RPGR: variants seen among roughly 807,000 people sequenced by gnomAD.
The protein encoded by RPGR is retinitis pigmentosa GTPase regulator.
Under a neutral mutation model 56.3 loss-of-function variants are expected in RPGR, and 10 were observed. The observed-to-expected ratio is 0.18, with a 90% CI of 0.11 to 0.30. The LOEUF is 0.30. Ranked by LOEUF, RPGR falls within the 10% of genes least tolerant of loss-of-function variation. The probability of loss-of-function intolerance (pLI) is 1.00; values close to 1 mark genes in which losing one functional copy is unlikely to be tolerated. For missense variants in RPGR, 538 were observed against 590.9 expected (o/e 0.91, Z 0.93); for synonymous variants, 197 against 212.9 (o/e 0.93, Z 0.65).
At position 38,269,697 on chromosome X, in the gene RPGR, T is replaced by C. The variant is rs1455989964; in HGVS notation, c.2377A>G (p.Met793Val). 3.3e-6 allele frequency: 4 copies of C among 1,210,022 alleles called. No individual in the cohort carries two copies. Among genetic ancestry groups the C allele is most frequent in the African/African-American group, 1.7e-5 (1 of 57,818 alleles). Reference sequence around the variant, plus strand: ...GGGATATTCTGATGATTCTGACTCATGTGGTTCTGGTCGGCATCTTTATTA... The same window carrying C: ...GGGATATTCTGATGATTCTGACTCACGTGGTTCTGGTCGGCATCTTTATTA... The change falls in exon 19 of 19, where the codon ATG (methionine) becomes GTG (valine). Residue 793 changes from methionine to valine, a missense_variant. Physicochemically the swap from Met to Val is conservative, Grantham distance 21 (BLOSUM62 1). Around this residue, in one of 2 missense-constraint regions of RPGR, gnomAD observed 357 missense variants for 325.8 expected, o/e 1.10. Coordinates refer to ENST00000642395, the MANE Select transcript of RPGR (RefSeq NM_000328.3).
intron 6 of RPGR, among the ~76,000 whole-genome samples, chrX:38,314,957 T>C (rs948089487): frequency 1.8e-5 from 2 of 111,697 alleles, no homozygotes; most frequent in Non-Finnish European, 3.8e-5. Context: ...ATATCTGCAC[T>C]CCCATGTTTG....
chrX:38,304,788 T>C lies in RPGR; in HGVS notation c.781A>G (p.Asn261Asp). 1 of 1,209,137 alleles carries C rather than the reference T, an allele frequency of 8.3e-7. No individual in the cohort carries two copies. The highest frequency in any genetic ancestry group is 1.1e-6 in the Non-Finnish European group (1 of 893,688). ...CCCAGCCCAAAGGTATACACAGCAT[T>C]CTCTGAAAGGAAAGGGGCAAATACA... The change falls in exon 8 of 19, where the codon AAT becomes GAT. Residue 261 changes from asparagine (N) to aspartate (D), a missense_variant and splice_region_variant. Physicochemically the swap from Asn to Asp is conservative, Grantham distance 23 (BLOSUM62 1). Around this residue, in one of 2 missense-constraint regions of RPGR, gnomAD observed 181 missense variants for 265.1 expected, o/e 0.68. Coordinates refer to ENST00000642395, the MANE Select transcript of RPGR (RefSeq NM_000328.3).
At chrX:38,299,273 G>T in intron 9 of RPGR, 132 bp from the exon 10 acceptor site, 1 of 609,838 alleles carries the variant, frequency 1.6e-6, no homozygotes, top group Admixed American at 2.7e-5. Flanking sequence ...GAATCTCTCT[G>T]TCTATACGTA....
At position 38,273,463 on chromosome X, in the gene RPGR, C is replaced by T; in HGVS notation, c.2164G>A (p.Asp722Asn). The T allele has an allele frequency of 8.3e-7, 1 of 1,198,872 alleles. No individual in the cohort carries two copies. Among genetic ancestry groups the T allele is most frequent in the Non-Finnish European group, 1.1e-6 (1 of 885,760 alleles). ...ATTTCTAATGAACTGCTATCTGCAT[C>T]ATCAAGCATGTATCCTACAATTGGA... Residue 722 changes from aspartate to asparagine, a missense_variant, in exon 18 of 19, where the codon GAT becomes AAT. By Grantham distance (23) the Asp-to-Asn change is conservative (BLOSUM62 1). This residue lies in a region of RPGR where 357 missense variants were observed against 325.8 expected (regional missense o/e 1.10). Transcript: ENST00000642395.
chrX:38,292,531 A>T (rs1317052930), intron 11 of RPGR, among the ~76,000 whole-genome samples: 4 of 112,039 alleles, frequency 3.6e-5, no homozygotes, highest in African/African-American at 6.5e-5. Context: ...CTCCCCTTTA[A>T]ATCCACTGAA....
At chrX:38,283,365 G>A (rs774585901) in intron 15 of RPGR, among the ~76,000 whole-genome samples, 2 of 112,079 alleles carry the variant, frequency 1.8e-5, no homozygotes, top group South Asian at 7.4e-4. Flanking sequence ...GAGGAAAAAG[G>A]AATTGCAGAA....
At chrX:38,291,919 T>C (rs2067286835) in intron 11 of RPGR, among the ~76,000 whole-genome samples, 1 of 112,303 alleles carries the variant, frequency 8.9e-6, no homozygotes, top group Non-Finnish European at 1.9e-5. Flanking sequence ...GATAGCATTA[T>C]GGCTTCTGTT....
At chrX:38,317,572 G>C in intron 5 of RPGR, 107 bp from the exon 6 acceptor site, 1 of 695,066 alleles carries the variant, frequency 1.4e-6, no homozygotes, top group Non-Finnish European at 2.1e-6. Flanking sequence ...TAAAAATTAT[G>C]TATCTTAACA....
chrX:38,323,987 A>T (rs973055517), intron 1 of RPGR, among the ~76,000 whole-genome samples: 2 of 112,015 alleles, frequency 1.8e-5, no homozygotes, highest in Non-Finnish European at 3.8e-5. Context: ...CCATGGGGAG[A>T]GTCTCTATCA....
rs942155161 is a variant in RPGR at position 38,285,325 on chromosome X, G to C, written c.1905+1769C>G. On this transcript the variant is annotated intron_variant, in intron 15 of 18. Transcript: ENST00000642395. ...AGTTATGTTTTTATAATTTGGGGGG[G>C]AAATACACGAAAATTTTAGTTTGAG... 13 of 1,063,232 alleles carry C rather than the reference G, an allele frequency of 1.2e-5. No individual in the cohort carries two copies. In the South Asian group the frequency reaches 3.4e-4, roughly 28 times the overall value. 87.6% of individuals were successfully genotyped at this position (1,063,232 alleles called of 1,213,427 possible). A position where few individuals can be genotyped will look rare whatever the true frequency, so the allele number is the denominator to read the frequency against.
rs760860514 is a variant in RPGR, at chrX:38,287,184, C to T, written c.1815G>A (p.Glu605=). 5 of 1,208,978 alleles carry T rather than the reference C, an allele frequency of 4.1e-6. No individual in the cohort carries two copies. Among genetic ancestry groups the T allele is most frequent in the Non-Finnish European group, 5.6e-6 (5 of 895,050 alleles). The change falls in exon 15 of 19, where the codon GAG becomes GAA. Residue 605 remains glutamate, a synonymous_variant. Coordinates refer to ENST00000642395, the MANE Select transcript of RPGR (RefSeq NM_000328.3). ...TCACATTTTCCTCATTTGCTTCTAC[C>T]TCTTGCTCCTCTATTCCATTTCCTT...
chrX:38,280,708 A>C (rs186281633), intron 15 of RPGR, among the ~76,000 whole-genome samples: 87 of 110,457 alleles, frequency 7.9e-4, no homozygotes, highest in African/African-American at 2.7e-3. Context: ...TAATCTTTTA[A>C]TTTTTTTGTA....
At chrX:38,276,796 G>A in intron 15 of RPGR, 1 of 1,150,935 alleles carries the variant, frequency 8.7e-7, no homozygotes, top group Admixed American at 2.2e-5. Context: ...GACCATCAGA[G>A]AAGAGTAAGA....
At position 38,287,842 on chromosome X, in the gene RPGR, A is replaced by G. The variant is rs754135528; in HGVS notation, c.1753+19T>C. On this transcript the variant is annotated intron_variant, in intron 14 of 18. Transcript: ENST00000642395. ...TCCATCAGTGTCAGCCTGAGGTCCC[A>G]CCTGGCCTGTGTCATTACCTACTTC... The G allele has an allele frequency of 4.2e-6, 5 of 1,201,929 alleles. No individual in the cohort carries two copies. Among genetic ancestry groups the G allele is most frequent in the African/African-American group, 1.8e-5 (1 of 56,791 alleles).
intron 6 of RPGR, among the ~76,000 whole-genome samples, chrX:38,315,327 G>A (rs2067799639): frequency 9.0e-6 from 1 of 111,208 alleles, no homozygotes; most frequent in Non-Finnish European, 1.9e-5. Context: ...GCAAGACTCT[G>A]TCTCAAAAAA....
chrX:38,324,535 C>G (rs1392587631), intron 1 of RPGR, among the ~76,000 whole-genome samples: 2 of 109,537 alleles, frequency 1.8e-5, no homozygotes, highest in Non-Finnish European at 3.8e-5. Flanking sequence ...AGAAAAAAAA[C>G]CATAGGCTTT....
At chrX:38,315,075 A>G (rs1352778983) in intron 6 of RPGR, among the ~76,000 whole-genome samples, 2 of 111,678 alleles carry the variant, frequency 1.8e-5, no homozygotes, top group African/African-American at 6.5e-5. Context: ...CACACCTGTA[A>G]TCCCAGCACT....
At position 38,324,998 on chromosome X, in the gene RPGR, C is replaced by T. The variant is rs745400532; in HGVS notation, c.29-1474G>A. ...CAGCCTGGCCAACGTGGTGAAACCCCGTGTCGACTAAAAATGCAAAAATTA... is the reference window on the plus strand; with the variant it reads ...CAGCCTGGCCAACGTGGTGAAACCCTGTGTCGACTAAAAATGCAAAAATTA... On this transcript the variant is annotated intron_variant, in intron 1 of 18. Coordinates refer to ENST00000642395, the MANE Select transcript of RPGR (RefSeq NM_000328.3). Among the ~76,000 whole-genome samples the T allele has an allele frequency of 3.7e-3, 388 of 105,923 alleles. 1 individual carries two copies. Among genetic ancestry groups the T allele is most frequent in the Non-Finnish European group, 6.2e-3 (321 of 51,488 alleles). The allele number at this position is 105,923 out of a possible 115,157, so 92.0% of individuals were successfully genotyped here.
rs1271996150 is a variant in RPGR at position 38,286,427 on chromosome X, C to A, written c.1905+667G>T. On this transcript the variant is annotated intron_variant, in intron 15 of 18. Transcript: ENST00000642395. ...TCTCCTTCTTCCCCTTCTTCCTCCC[C>A]TTTCCCTTCTCCTTCCTCCTCTTCC... The A allele has an allele frequency of 9.9e-6, 10 of 1,013,337 alleles. No individual in the cohort carries two copies. Among genetic ancestry groups the A allele is most frequent in the Non-Finnish European group, 1.3e-5 (10 of 799,266 alleles). The allele number at this position is 1,013,337 out of a possible 1,213,427, so 83.5% of individuals were successfully genotyped here. A position where few individuals can be genotyped will look rare whatever the true frequency, so the allele number is the denominator to read the frequency against.
Sources: allele counts gnomAD v4.1 joint callset (sites outside exome capture counted in the v4.1 genomes callset), GRCh38; gene constraint gnomAD v4.1.1; regional missense constraint gnomAD v4.1.1; transcripts MANE v1.5; gene names NCBI Gene and HGNC (gene_info 2026-07-23, HGNC 2026-07-21).